FRK: variants seen among roughly 807,000 people sequenced by gnomAD.
FRK encodes fyn related Src family tyrosine kinase.
In FRK, 51 loss-of-function variants were observed where a neutral mutation model predicts 56.4. The observed-to-expected ratio is 0.90, with a 90% CI of 0.72 to 1.14. The LOEUF (loss-of-function observed/expected upper bound fraction) is 1.14. Among genes scored for constraint, FRK ranks in the 50% most tolerant of loss-of-function variants. FRK has a pLI of 0.00. For missense variants in FRK, 570 were observed against 601.4 expected (o/e 0.95, Z 0.55); for synonymous variants, 245 against 217.9 (o/e 1.12, Z -1.10).
intron 2 of FRK, among the ~76,000 whole-genome samples, chr6:115,979,467 A>G (rs983647159): frequency 6.6e-6 from 1 of 152,162 alleles, no homozygotes; most frequent in Non-Finnish European, 1.5e-5. Context: ...TATTTTTTAA[A>G]ATTAAAAAAT....
chr6:115,942,240 G>A lies in FRK; in HGVS notation c.*174C>T. The A allele has an allele frequency of 1.7e-6, 1 of 586,996 alleles. No individual in the cohort carries two copies. The allele number at this position is 586,996 out of a possible 1,614,324, so 36.4% of individuals were successfully genotyped here. On this transcript the variant is annotated 3_prime_UTR_variant, in exon 8 of 8. Coordinates refer to ENST00000606080, the MANE Select transcript of FRK (RefSeq NM_002031.3). Reference sequence around the variant, plus strand: ...ATCACCTTGACTGTCCTGCAGTGTTGCCCAGTCAATAAAATGCACAAATAA... The same window carrying A: ...ATCACCTTGACTGTCCTGCAGTGTTACCCAGTCAATAAAATGCACAAATAA...
At chr6:116,073,329 T>G in the FRK span, among the ~76,000 whole-genome samples, 1 of 152,192 alleles carries the variant, frequency 6.6e-6, no homozygotes, top group Non-Finnish European at 1.5e-5. Context: ...TAACAGAAAT[T>G]TGATGTGCAA....
At chr6:116,078,811 T>C in the FRK span, among the ~76,000 whole-genome samples, 8 of 152,244 alleles carry the variant, frequency 5.3e-5, no homozygotes, top group Non-Finnish European at 1.0e-4. Context: ...TTCATTTTTT[T>C]ATTGTTTCAC....
upstream of FRK, among the ~76,000 whole-genome samples, chr6:116,064,038 C>A (rs1029253612): frequency 2.0e-5 from 3 of 152,164 alleles, no homozygotes; most frequent in Non-Finnish European, 4.4e-5. Context: ...GGAAGAACCT[C>A]CAACACATTT....
chr6:115,980,432 C>T (rs1283430879), intron 2 of FRK, among the ~76,000 whole-genome samples: 3 of 152,082 alleles, frequency 2.0e-5, no homozygotes, highest in South Asian at 2.1e-4. Context: ...TGGCAGCTCA[C>T]GTGTCCTAGA....
chr6:116,033,087 A>T (rs562921717), intron 1 of FRK, among the ~76,000 whole-genome samples: 1 of 152,232 alleles, frequency 6.6e-6, no homozygotes, highest in South Asian at 2.1e-4. Context: ...TCTTGCACTC[A>T]GCATACTTGA....
intron 1 of FRK, among the ~76,000 whole-genome samples, chr6:116,006,546 A>G (rs1775255356): frequency 1.3e-5 from 2 of 152,210 alleles, no homozygotes; most frequent in African/African-American, 4.8e-5. Flanking sequence ...AAGAAGATAC[A>G]CTACAAGAAC....
chr6:116,068,445 T>C, the FRK span, among the ~76,000 whole-genome samples: 1 of 152,224 alleles, frequency 6.6e-6, no homozygotes, highest in Non-Finnish European at 1.5e-5. Context: ...GAATTACTAT[T>C]GTAAATAAAA....
At chr6:116,091,436 T>C in the FRK span, among the ~76,000 whole-genome samples, 4 of 152,166 alleles carry the variant, frequency 2.6e-5, no homozygotes, top group Non-Finnish European at 4.4e-5. Context: ...CAATAAATCT[T>C]GCTTCTGCTC....
intron 2 of FRK, among the ~76,000 whole-genome samples, chr6:115,986,879 C>T (rs186268259): frequency 2.9e-4 from 44 of 152,236 alleles, no homozygotes; most frequent in Middle Eastern, 3.4e-3. Context: ...GTGGGCATCC[C>T]TTCTACCCCT....
At chr6:115,965,258 T>A (rs1270102474) in intron 4 of FRK, among the ~76,000 whole-genome samples, 3 of 119,930 alleles carry the variant, frequency 2.5e-5, no homozygotes, top group African/African-American at 9.5e-5. Context: ...CAGACACTTC[T>A]CAAAAGAAGA....
rs956595992 is a variant in FRK at position 115,937,628 on chromosome 6, T to C, written c.*4786A>G. ...GGCTCAAGATAAAGGGATGGAGGAA[T>C]ATTTACGAAGCAAACGGAAAGCAGA... On this transcript the variant is annotated 3_prime_UTR_variant, in exon 8 of 8. Coordinates refer to ENST00000606080, the MANE Select transcript of FRK (RefSeq NM_002031.3). The C allele has an allele frequency of 3.3e-5, 5 of 151,942 alleles. No homozygotes were observed. Among genetic ancestry groups the C allele is most frequent in the Admixed American group, 2.0e-4 (3 of 15,250 alleles). The allele number at this position is 151,942 out of a possible 1,614,324, so 9.4% of individuals were successfully genotyped here.
the FRK span, among the ~76,000 whole-genome samples, chr6:116,078,695 CATT>C: frequency 1.3e-5 from 2 of 152,154 alleles, no homozygotes; most frequent in Non-Finnish European, 2.9e-5. Flanking sequence ...AGAAACAAAA[CATT>C]ATTGACACAC....
chr6:116,068,878 C>A, the FRK span, among the ~76,000 whole-genome samples: 2 of 151,570 alleles, frequency 1.3e-5, no homozygotes, highest in Non-Finnish European at 2.9e-5. Context: ...CATTCTTTGG[C>A]ACTGTCAAAG....
chr6:116,000,223 C>CTTTTT lies in FRK; in HGVS notation c.466+3649_466+3653dup, dbSNP rs561273499. ...TTTCCTCATGAAAATATCATTCTTT[C>CTTTTT]TTTTTTTTTTTTTTTTTTTTTTTTT... On this transcript the variant is annotated intron_variant, in intron 2 of 7. Coordinates refer to ENST00000606080, the MANE Select transcript of FRK (RefSeq NM_002031.3). 2.7e-3 allele frequency among the ~76,000 whole-genome samples: 143 copies of CTTTTT among 53,068 alleles called. 17 individuals are homozygous for CTTTTT. Among genetic ancestry groups the CTTTTT allele is most frequent in the African/African-American group, 5.0e-3 (56 of 11,094 alleles). 34.8% of individuals were successfully genotyped at this position (53,068 alleles called of 152,430 possible). A position where few individuals can be genotyped will look rare whatever the true frequency, so the allele number is the denominator to read the frequency against.
At chr6:115,953,282 T>C (rs784020) in intron 5 of FRK, among the ~76,000 whole-genome samples, 94,034 of 139,466 alleles carry the variant, frequency 0.67, 32,126 homozygotes, top group East Asian at 0.98. Context: ...CTCCGCCTCC[T>C]GGGTTCACGC....
At chr6:116,089,612 T>C in the FRK span, among the ~76,000 whole-genome samples, 1 of 152,302 alleles carries the variant, frequency 6.6e-6, no homozygotes, top group African/African-American at 2.4e-5. Flanking sequence ...CACATGACTT[T>C]TCTTTCTCAC....
Position 115,943,161 on chromosome 6 carries a change from A to G in FRK, c.1165T>C (p.Ser389Pro). ...FKVDNEDIYESRHEIKLPVKW... is the reference protein window; with the variant it reads ...FKVDNEDIYEPRHEIKLPVKW... The stretch of plus-strand genomic sequence containing the variant: ...ACCGGCAGCTTTATTTCGTGTCTAG[A>G]TTCATAGATGTCTTCATTATCTACC... Residue 389 changes from serine to proline, a missense_variant, in exon 7 of 8, where the codon TCT (serine) becomes CCT (proline). By Grantham distance (74) the Ser-to-Pro change is moderately conservative. Coordinates refer to ENST00000606080, the MANE Select transcript of FRK (RefSeq NM_002031.3). 6.2e-7 allele frequency: 1 copy of G among 1,611,786 alleles called. No homozygotes were observed.
At chr6:115,994,206 G>A (rs538965289) in intron 2 of FRK, among the ~76,000 whole-genome samples, 43 of 151,736 alleles carry the variant, frequency 2.8e-4, no homozygotes, top group Non-Finnish European at 5.0e-4. Flanking sequence ...GTACTTTCAA[G>A]TGCACGTAAC....
Sources: allele counts gnomAD v4.1 joint callset (sites outside exome capture counted in the v4.1 genomes callset), GRCh38; gene constraint gnomAD v4.1.1; transcripts MANE v1.5; gene names NCBI Gene and HGNC (gene_info 2026-07-23, HGNC 2026-07-21).